Variants in PRPF18 observed in about 807,000 individuals in gnomAD.
PRPF18 encodes pre-mRNA processing factor 18, also known as pre-mRNA-splicing factor 18.
In PRPF18, 38 loss-of-function variants were observed where a neutral mutation model predicts 46.5. That is an observed-to-expected ratio of 0.82 (90% confidence interval 0.63 to 1.07). The LOEUF is 1.07. Among genes scored for constraint, PRPF18 ranks in the 50% least tolerant of loss-of-function variants. PRPF18 has a pLI of 0.00. For synonymous variants in PRPF18, 152 were observed against 146.7 expected (o/e 1.04, Z -0.26); for missense variants, 263 against 410.0 (o/e 0.64, Z 3.10).
In PRPF18 at chr10:13,587,050, T is replaced by C; in HGVS notation, c.-37T>C. 6.2e-7 allele frequency: 1 copy of C among 1,607,070 alleles called. No individual in the cohort carries two copies. The highest frequency in any genetic ancestry group is 8.5e-7 in the Non-Finnish European group (1 of 1,173,524). On this transcript the variant is annotated 5_prime_UTR_variant, in exon 1 of 10. Coordinates refer to ENST00000378572, the MANE Select transcript of PRPF18 (RefSeq NM_003675.4). Reference sequence around the variant, plus strand: ...CCCAGTGAGGCTGGGTTCGAGGAGCTGGAGCGGGAAACTGGAGCTTAAATT... The same window carrying C: ...CCCAGTGAGGCTGGGTTCGAGGAGCCGGAGCGGGAAACTGGAGCTTAAATT...
At chr10:13,654,534 A>AAGGCAGAGAGC in the PRPF18 span, 1 of 1,498,030 alleles carries the variant, frequency 6.7e-7, no homozygotes. Context: ...TGGTGCAAGA[A>AAGGCAGAGAGC]AGGCAGAGAG....
chr10:13,652,858 A>C, the PRPF18 span: 1 of 152,200 alleles, frequency 6.6e-6, no homozygotes, highest in African/African-American at 2.4e-5. Flanking sequence ...AAGCCCGAGA[A>C]TTTGCATTTC....
At chr10:13,632,993 T>C (rs559280506), downstream of PRPF18, among the ~76,000 whole-genome samples, 2 of 152,318 alleles carry the variant, frequency 1.3e-5, no homozygotes, top group East Asian at 3.9e-4. Flanking sequence ...CCTTCAGAAG[T>C]AAATAGTGCA....
the PRPF18 span, chr10:13,652,282 T>G: frequency 1.6e-4 from 66 of 410,560 alleles, no homozygotes; most frequent in Non-Finnish European, 1.6e-4. Context: ...GAGTCCTCAC[T>G]AGTTGTAGGT....
intron 9 of PRPF18, among the ~76,000 whole-genome samples, chr10:13,625,105 G>A (rs2080481533): frequency 6.6e-6 from 1 of 152,124 alleles, no homozygotes; most frequent in Non-Finnish European, 1.5e-5. Context: ...AGGCTGAGGT[G>A]GGAGGGGTGC....
intron 5 of PRPF18, among the ~76,000 whole-genome samples, chr10:13,610,679 C>A (rs2080257277): frequency 1.2e-4 from 19 of 152,150 alleles, no homozygotes; most frequent in Admixed American, 1.2e-3. Flanking sequence ...AGATTGTTCC[C>A]AGCTCTCTCC....
In PRPF18 at chr10:13,587,329, G is replaced by A. The variant is rs550909695; in HGVS notation, c.66+177G>A. ...CCAACCCTTGGCGTCTCACTGTTGA[G>A]GCTGGAGAATAGGGTCTGAGAGCAG... On this transcript the variant is annotated intron_variant, in intron 1 of 9. Transcript: ENST00000378572. 23 of 677,460 alleles carry A rather than the reference G, an allele frequency of 3.4e-5. No individual in the cohort carries two copies. In the African/African-American group the frequency reaches 4.1e-4, roughly 12 times the overall value. The allele number at this position is 677,460 out of a possible 1,614,324, so 42.0% of individuals were successfully genotyped here. A position where few individuals can be genotyped will look rare whatever the true frequency, so the allele number is the denominator to read the frequency against.
At chr10:13,627,490 C>T (rs1279247962) in intron 9 of PRPF18, among the ~76,000 whole-genome samples, 1 of 152,186 alleles carries the variant, frequency 6.6e-6, no homozygotes, top group East Asian at 1.9e-4. Context: ...GTTTTACTGG[C>T]TTAAGCATCC....
chr10:13,619,922 A>C (rs975247400), intron 9 of PRPF18, among the ~76,000 whole-genome samples: 5 of 151,960 alleles, frequency 3.3e-5, no homozygotes, highest in Non-Finnish European at 7.4e-5. Context: ...AAGGCTAAAC[A>C]GAATGCCAGT....
chr10:13,601,225 G>C (rs1442302847), intron 3 of PRPF18, among the ~76,000 whole-genome samples: 1 of 152,156 alleles, frequency 6.6e-6, no homozygotes, highest in Non-Finnish European at 1.5e-5. Flanking sequence ...CTAGAAGCAT[G>C]ATTTTTAGGG....
intron 1 of PRPF18, among the ~76,000 whole-genome samples, chr10:13,595,067 CA>C (rs2080014351): frequency 6.6e-6 from 1 of 152,134 alleles, no homozygotes; most frequent in African/African-American, 2.4e-5. Flanking sequence ...TTTGTAAGTG[CA>C]TGTTGGTGAA....
chr10:13,611,733 A>T (rs11258471), intron 6 of PRPF18, 50 bp downstream of exon 6: 17,842 of 1,526,720 alleles, frequency 0.012, 607 homozygotes, highest in East Asian at 0.089. Flanking sequence ...CTTATGAACT[A>T]TTCTTATATT....
chr10:13,628,377 C>G (rs1299171667), intron 9 of PRPF18, among the ~76,000 whole-genome samples: 3 of 152,136 alleles, frequency 2.0e-5, no homozygotes, highest in African/African-American at 7.2e-5. Context: ...CAGGACCCTG[C>G]AGATACCAAA....
At chr10:13,655,261 T>C in the PRPF18 span, 1 of 152,198 alleles carries the variant, frequency 6.6e-6, no homozygotes, top group African/African-American at 2.4e-5. Context: ...TTCCAAAAGA[T>C]CTACCTCATC....
At chr10:13,614,212 T>A in intron 8 of PRPF18, 126 bp downstream of exon 8, 1 of 728,764 alleles carries the variant, frequency 1.4e-6, no homozygotes, top group African/African-American at 1.8e-5. Context: ...GATGAGTTAG[T>A]AGTAAAAAGC....
chr10:13,648,938 T>C, the PRPF18 span, among the ~76,000 whole-genome samples: 1 of 152,104 alleles, frequency 6.6e-6, no homozygotes, highest in Non-Finnish European at 1.5e-5. Context: ...AAAGCTTCCA[T>C]GGATAAATAA....
At chr10:13,606,733 CAAAAAAAAA>C (rs34162273) in intron 4 of PRPF18, among the ~76,000 whole-genome samples, 9 of 73,016 alleles carry the variant, frequency 1.2e-4, no homozygotes, top group Non-Finnish European at 2.3e-4. Flanking sequence ...GACTCCTTCT[CAAAAAAAAA>C]AAAAAAAAAA....
Position 13,630,216 on chromosome 10 carries a change from T to A in PRPF18, c.949-44T>A, listed in dbSNP as rs1199631957. ...TTCAGAGGAAGGCAGTTAAGAATAA[T>A]TTAACCATGTCATAACCAACCTTTG... On this transcript the variant is annotated intron_variant, in intron 9 of 9. Coordinates refer to ENST00000378572, the MANE Select transcript of PRPF18 (RefSeq NM_003675.4). The A allele has an allele frequency of 2.1e-6, 3 of 1,460,032 alleles. No individual in the cohort carries two copies. In the South Asian group the frequency reaches 3.4e-5, roughly 17 times the overall value. 90.4% of individuals were successfully genotyped at this position (1,460,032 alleles called of 1,614,324 possible). A position where few individuals can be genotyped will look rare whatever the true frequency, so the allele number is the denominator to read the frequency against.
intron 3 of PRPF18, among the ~76,000 whole-genome samples, chr10:13,603,330 G>C (rs2080142327): frequency 6.6e-6 from 1 of 152,040 alleles, no homozygotes; most frequent in African/African-American, 2.4e-5. Flanking sequence ...GTATATTTCA[G>C]CTTCTTTATT....
Sources: gnomAD v4.1 joint callset for allele counts (sites outside exome capture counted in the v4.1 genomes callset) on GRCh38, gnomAD v4.1.1 for gene constraint, MANE v1.5 for transcripts, NCBI Gene and HGNC (gene_info 2026-07-23, HGNC 2026-07-21) for gene names.